NCKAP1: variants seen among roughly 807,000 people sequenced by gnomAD.
NCKAP1 encodes the protein NCK associated protein 1, also known as nck-associated protein 1.
Under a neutral mutation model 151.2 loss-of-function variants are expected in NCKAP1, and 21 were observed. The observed-to-expected ratio is 0.14, with a 90% CI of 0.10 to 0.20. The LOEUF (loss-of-function observed/expected upper bound fraction) is 0.20, where lower values mean the gene tolerates loss of function less well. Ranked by LOEUF, NCKAP1 falls within the 10% of genes least tolerant of loss-of-function variation. NCKAP1 has a pLI of 1.00. For synonymous variants in NCKAP1, 484 were observed against 451.8 expected, an observed-to-expected ratio of 1.07 and a Z score of -0.90; for missense variants, 933 against 1,352.1, an observed-to-expected ratio of 0.69 and a Z score of 4.86.
intron 23 of NCKAP1, among the ~76,000 whole-genome samples, chr2:182,949,538 G>A (rs1013274771): frequency 2.0e-5 from 3 of 152,132 alleles, no homozygotes; most frequent in Non-Finnish European, 4.4e-5. Flanking sequence ...ACAGTGGCTC[G>A]TGCCTGTAAT....
intron 2 of NCKAP1, among the ~76,000 whole-genome samples, chr2:183,007,236 T>A (rs544581473): frequency 6.6e-6 from 1 of 152,220 alleles, no homozygotes; most frequent in Non-Finnish European, 1.5e-5. Context: ...AGCAAAGAAT[T>A]TGTATAATGC....
At chr2:182,965,227 T>C (rs367877553) in intron 16 of NCKAP1, among the ~76,000 whole-genome samples, 126 of 151,752 alleles carry the variant, frequency 8.3e-4, no homozygotes, top group Non-Finnish European at 1.3e-3. Flanking sequence ...CCTGTCTCTA[T>C]TTTTAAAAAA....
chr2:183,007,780 A>G (rs1419110775), intron 2 of NCKAP1, among the ~76,000 whole-genome samples: 1 of 152,130 alleles, frequency 6.6e-6, no homozygotes, highest in Non-Finnish European at 1.5e-5. Flanking sequence ...ATTTGGGTAA[A>G]TCTCTGCCTA....
rs114320316 is a variant in NCKAP1, at chr2:182,938,283, G to A, written c.2696-2908C>T. 5.3e-3 allele frequency among the ~76,000 whole-genome samples: 801 copies of A among 152,248 alleles called. 5 individuals carry two copies. Among genetic ancestry groups the A allele is most frequent in the African/African-American group, 0.018 (733 of 41,544 alleles). ...ATAAAATTTTTCCAATAGTATTGCA[G>A]AGTAAAAATGGAAGAGTAAGATATC... is the stretch of plus-strand genomic sequence containing the variant. On this transcript the variant is annotated intron_variant, in intron 24 of 30. Coordinates refer to ENST00000361354, the MANE Select transcript of NCKAP1 (RefSeq NM_013436.5).
chr2:182,976,355 C>T (rs1697823762), intron 15 of NCKAP1, among the ~76,000 whole-genome samples: 1 of 152,096 alleles, frequency 6.6e-6, no homozygotes, highest in South Asian at 2.1e-4. Flanking sequence ...TTGTACAGAT[C>T]GTGGTGGTAA....
intron 1 of NCKAP1, among the ~76,000 whole-genome samples, chr2:183,036,014 C>T (rs1699094999): frequency 6.6e-6 from 1 of 152,020 alleles, no homozygotes; most frequent in Non-Finnish European, 1.5e-5. Flanking sequence ...TAAAATATGA[C>T]GTTTCAATAA....
chr2:182,995,507 AATTT>A (rs2105868685), intron 7 of NCKAP1, among the ~76,000 whole-genome samples, 190 bp downstream of exon 7: 1 of 152,330 alleles, frequency 6.6e-6, no homozygotes, highest in South Asian at 2.1e-4. Flanking sequence ...TCACCATATT[AATTT>A]ATCACCAGTT....
intron 1 of NCKAP1, among the ~76,000 whole-genome samples, chr2:183,031,884 T>C (rs999626739): frequency 2.6e-5 from 4 of 152,172 alleles, no homozygotes; most frequent in African/African-American, 9.7e-5. Context: ...ATAAGTACCA[T>C]GGAGCTGGTT....
chr2:182,980,523 TTCCTTAGAGTC>T (rs1476483405), intron 13 of NCKAP1, among the ~76,000 whole-genome samples: 3 of 152,054 alleles, frequency 2.0e-5, no homozygotes, highest in African/African-American at 7.2e-5. Flanking sequence ...AAAATATTAT[TTCCTTAGAGTC>T]AGTTTATTTG....
chr2:182,982,532 T>C (rs898228273), intron 12 of NCKAP1, among the ~76,000 whole-genome samples: 8 of 152,214 alleles, frequency 5.3e-5, no homozygotes, highest in Admixed American at 2.0e-4. Flanking sequence ...TCTCTCATGA[T>C]GCTGCCGTAG....
intron 23 of NCKAP1, among the ~76,000 whole-genome samples, chr2:182,951,961 G>C (rs989381317): frequency 3.9e-5 from 6 of 152,210 alleles, no homozygotes; most frequent in African/African-American, 1.4e-4. Context: ...TCAACTTAGA[G>C]GGCATAAGAT....
At chr2:183,003,923 GT>G (rs10710722) in intron 2 of NCKAP1, among the ~76,000 whole-genome samples, 150,350 of 151,088 alleles carry the variant, frequency 1, 74,812 homozygotes, top group Non-Finnish European at 1. Flanking sequence ...AGAGGGAAAT[GT>G]TGAAAGACAA....
chr2:182,931,435 G>A lies in NCKAP1; in HGVS notation c.2860-647C>T, dbSNP rs1276488847. On this transcript the variant is annotated intron_variant, in intron 26 of 30. Coordinates refer to ENST00000361354, the MANE Select transcript of NCKAP1 (RefSeq NM_013436.5). ...ATAAAATACGAAGTAAAATAGTATA[G>A]CTTAGAAAAACTGGGAACATGGCAG... is the stretch of plus-strand genomic sequence containing the variant. Among the ~76,000 whole-genome samples, 3 of 151,970 alleles carry A rather than the reference G, an allele frequency of 2.0e-5. No homozygotes were observed. In the East Asian group the frequency reaches 5.8e-4, roughly 29 times the overall value.
At chr2:182,995,601 A>G (rs946383657) in intron 7 of NCKAP1, 100 bp downstream of exon 7, 25 of 1,115,166 alleles carry the variant, frequency 2.2e-5, no homozygotes, top group Non-Finnish European at 3.1e-5. Context: ...TCAACTAATA[A>G]GCTAATGCTA....
Position 182,924,143 on chromosome 2 carries a change from C to T in NCKAP1, c.*1559G>A, listed in dbSNP as rs962925549. ...TTTAAAATTTCCCTTTTTAAAAAAT[C>T]TTTATGGAACAAGTACAATTTTTCG... On this transcript the variant is annotated 3_prime_UTR_variant, in exon 31 of 31. Coordinates refer to ENST00000361354, the MANE Select transcript of NCKAP1 (RefSeq NM_013436.5). 6.6e-6 allele frequency: 1 copy of T among 152,128 alleles called. No homozygotes were observed. The highest frequency in any genetic ancestry group is 2.4e-5 in the African/African-American group (1 of 41,452). 9.4% of individuals were successfully genotyped at this position (152,128 alleles called of 1,614,324 possible).
At chr2:183,023,973 A>C (rs547258829) in intron 1 of NCKAP1, 57 bp from the exon 2 acceptor site, 1 of 1,233,256 alleles carries the variant, frequency 8.1e-7, no homozygotes, top group Non-Finnish European at 1.2e-6. Flanking sequence ...AAAATCAAAA[A>C]TAGCAAATCT....
chr2:182,989,254 G>T, intron 8 of NCKAP1, 68 bp from the exon 9 acceptor site: 1 of 1,335,628 alleles, frequency 7.5e-7, no homozygotes, highest in Non-Finnish European at 1.0e-6. Flanking sequence ...TGACAGTGTA[G>T]CTTTTGAAAA....
chr2:182,940,183 G>C (rs1696966690), intron 24 of NCKAP1, among the ~76,000 whole-genome samples: 1 of 151,978 alleles, frequency 6.6e-6, no homozygotes. Flanking sequence ...ATAGGGTTAA[G>C]GCCAATGGGG....
chr2:183,008,053 A>C (rs1698513998), intron 2 of NCKAP1, among the ~76,000 whole-genome samples: 1 of 152,028 alleles, frequency 6.6e-6, no homozygotes, highest in Admixed American at 6.6e-5. Context: ...CAGCCTCCCG[A>C]GTAGCTGGGA....
Sources: gnomAD v4.1 joint callset for allele counts (sites outside exome capture counted in the v4.1 genomes callset) on GRCh38, gnomAD v4.1.1 for gene constraint, MANE v1.5 for transcripts, NCBI Gene and HGNC (gene_info 2026-07-23, HGNC 2026-07-21) for gene names.